The following FBXL17 variants were observed in gnomAD, a reference collection of about 807,000 sequenced individuals.
The protein encoded by FBXL17 is F-box/LRR-repeat protein 17.
FBXL17 carries 22 observed loss-of-function variants against 66.2 expected under a neutral mutation model. The observed-to-expected ratio is 0.33, with a 90% CI of 0.24 to 0.47. The LOEUF is 0.47. FBXL17 is among the 20% of genes least tolerant of loss of function. FBXL17 has a pLI of 1.00. For synonymous variants in FBXL17, 474 were observed against 400.5 expected, an observed-to-expected ratio of 1.18 and a Z score of -2.19; for missense variants, 878 against 948.2, an observed-to-expected ratio of 0.93 and a Z score of 0.97.
At chr5:108,290,580 TG>T (rs1283641175) in intron 4 of FBXL17, among the ~76,000 whole-genome samples, 3 of 152,106 alleles carry the variant, frequency 2.0e-5, no homozygotes, top group Non-Finnish European at 4.4e-5. Context: ...GGGACTGTAT[TG>T]AACTTAATGG....
chr5:107,864,403 CTA>C (rs1418298820), intron 8 of FBXL17, among the ~76,000 whole-genome samples: 1 of 152,210 alleles, frequency 6.6e-6, no homozygotes, highest in Admixed American at 6.5e-5. Context: ...CAAGAAGAAT[CTA>C]TTTTTTCTTA....
Position 108,009,298 on chromosome 5 carries a change from T to TAG in FBXL17, c.1822+11626_1822+11627insCT, listed in dbSNP as rs1475870219. 2.1e-4 allele frequency among the ~76,000 whole-genome samples: 15 copies of TAG among 71,410 alleles called. 1 individual carries two copies. Among genetic ancestry groups the TAG allele is most frequent in the African/African-American group, 1.0e-3 (15 of 14,456 alleles). The allele number at this position is 71,410 out of a possible 152,430, so 46.8% of individuals were successfully genotyped here. A position where few individuals can be genotyped will look rare whatever the true frequency, so the allele number is the denominator to read the frequency against. ...ATATATATATATATATATATATATA[T>TAG]ATACATATATACATACACATATAGT... On this transcript the variant is annotated intron_variant, in intron 7 of 8. Transcript: ENST00000542267.
intron 7 of FBXL17, among the ~76,000 whole-genome samples, chr5:107,937,266 T>A (rs73202567): frequency 6.6e-6 from 1 of 152,088 alleles, no homozygotes. Flanking sequence ...CAGTCACCAA[T>A]GGGTGAAGCA....
chr5:108,078,477 G>A (rs1435403007), intron 6 of FBXL17, among the ~76,000 whole-genome samples: 1 of 152,176 alleles, frequency 6.6e-6, no homozygotes, highest in African/African-American at 2.4e-5. Flanking sequence ...CCAGCAAACA[G>A]AAGTGGCCCT....
At chr5:107,882,832 A>C (rs1748836605) in intron 7 of FBXL17, among the ~76,000 whole-genome samples, 1 of 152,184 alleles carries the variant, frequency 6.6e-6, no homozygotes, top group Non-Finnish European at 1.5e-5. Context: ...ACAAAGCACC[A>C]CTTGCAGGAT....
At chr5:108,353,922 G>A (rs925379670) in intron 3 of FBXL17, among the ~76,000 whole-genome samples, 10 of 152,120 alleles carry the variant, frequency 6.6e-5, no homozygotes, top group Admixed American at 1.3e-4. Flanking sequence ...TATAGGTTGC[G>A]TATCCCTTAT....
chr5:108,088,940 C>T (rs1026569813), intron 6 of FBXL17, among the ~76,000 whole-genome samples: 2 of 152,066 alleles, frequency 1.3e-5, no homozygotes, highest in Non-Finnish European at 2.9e-5. Flanking sequence ...ATTCCACCTG[C>T]CAAAGAGTGA....
chr5:108,260,512 T>C (rs976457877), intron 4 of FBXL17, among the ~76,000 whole-genome samples: 7 of 151,896 alleles, frequency 4.6e-5, no homozygotes, highest in Non-Finnish European at 1.0e-4. Context: ...TCAGTAGGCA[T>C]AGGAAAGGGA....
chr5:108,274,411 T>C (rs1487838988), intron 4 of FBXL17, among the ~76,000 whole-genome samples: 3 of 152,230 alleles, frequency 2.0e-5, no homozygotes, highest in Non-Finnish European at 4.4e-5. Context: ...TATGGCTCTG[T>C]TCCACCCAGC....
chr5:107,916,574 G>C (rs930688177), intron 7 of FBXL17, among the ~76,000 whole-genome samples: 3 of 150,300 alleles, frequency 2.0e-5, no homozygotes, highest in African/African-American at 7.3e-5. Flanking sequence ...ACAATAAATA[G>C]ACATTATGTT....
intron 2 of FBXL17, 116 bp downstream of exon 2, chr5:108,367,715 G>C: frequency 1.2e-6 from 1 of 864,580 alleles, no homozygotes; most frequent in Admixed American, 4.0e-5. Flanking sequence ...CAAAATTGTA[G>C]ATTACAGTGA....
chr5:108,320,406 G>T (rs918168862), intron 4 of FBXL17, among the ~76,000 whole-genome samples: 14 of 151,712 alleles, frequency 9.2e-5, no homozygotes, highest in Admixed American at 8.6e-4. Context: ...TCAAGTGATT[G>T]TAACTTCTCA....
intron 6 of FBXL17, among the ~76,000 whole-genome samples, chr5:108,113,925 ATAAT>A (rs1750138488): frequency 6.6e-6 from 1 of 152,198 alleles, no homozygotes; most frequent in African/African-American, 2.4e-5. Flanking sequence ...GAATTAAGGC[ATAAT>A]TAATTAAGAA....
At chr5:108,189,024 C>A (rs1251009273) in intron 5 of FBXL17, among the ~76,000 whole-genome samples, 1 of 152,108 alleles carries the variant, frequency 6.6e-6, no homozygotes, top group South Asian at 2.1e-4. Flanking sequence ...GTGGTGGGCA[C>A]AGAAATTGAA....
chr5:107,995,058 G>C (rs1753417891), intron 7 of FBXL17, among the ~76,000 whole-genome samples: 1 of 152,138 alleles, frequency 6.6e-6, no homozygotes, highest in Non-Finnish European at 1.5e-5. Context: ...TGGTTACAGA[G>C]TGTATTCAGT....
chr5:108,018,655 T>C (rs976450106), intron 7 of FBXL17, among the ~76,000 whole-genome samples: 2 of 152,022 alleles, frequency 1.3e-5, no homozygotes, highest in Non-Finnish European at 1.5e-5. Flanking sequence ...GAAATCCTAA[T>C]GAAGAAGGAA....
chr5:108,113,339 A>G (rs1018594478), intron 6 of FBXL17, among the ~76,000 whole-genome samples: 1 of 152,144 alleles, frequency 6.6e-6, no homozygotes, highest in Admixed American at 6.5e-5. Context: ...TTTAAATCTA[A>G]TATGCAAGAG....
At chr5:108,157,050 T>C (rs1752021553) in intron 6 of FBXL17, among the ~76,000 whole-genome samples, 1 of 151,868 alleles carries the variant, frequency 6.6e-6, no homozygotes, top group Non-Finnish European at 1.5e-5. Flanking sequence ...AAATCTATTT[T>C]ATACAATGAA....
intron 7 of FBXL17, among the ~76,000 whole-genome samples, chr5:107,979,051 A>T (rs2112665181): frequency 6.6e-6 from 1 of 152,320 alleles, no homozygotes; most frequent in Non-Finnish European, 1.5e-5. Flanking sequence ...GGGGATAAAT[A>T]TGTCTTGTGA....
Sources: gnomAD v4.1 joint callset for allele counts (sites outside exome capture counted in the v4.1 genomes callset) on GRCh38, gnomAD v4.1.1 for gene constraint, MANE v1.5 for transcripts, NCBI Gene and HGNC (gene_info 2026-07-23, HGNC 2026-07-21) for gene names.